Variants in DLG2 observed in about 807,000 individuals in gnomAD.
The protein encoded by DLG2 is disks large homolog 2.
A neutral mutation model predicts 132.5 loss-of-function variants in DLG2; 45 were observed. The observed-to-expected ratio is 0.34, with a 90% CI of 0.27 to 0.44. DLG2 has a LOEUF of 0.44. Ranked by LOEUF, DLG2 falls within the 20% of genes least tolerant of loss-of-function variation. The pLI is 1.00. For synonymous variants in DLG2, 424 were observed against 419.6 expected (o/e 1.01, Z -0.13); for missense variants, 1,045 against 1,196.9 (o/e 0.87, Z 1.87).
At chr11:85,535,315 T>C (rs956520396) in intron 3 of DLG2, among the ~76,000 whole-genome samples, 1 of 152,132 alleles carries the variant, frequency 6.6e-6, no homozygotes, top group Non-Finnish European at 1.5e-5. Flanking sequence ...GCTAGTACCA[T>C]ATAATGTTTA....
At chr11:83,517,993 G>T (rs1345221715) in intron 21 of DLG2, among the ~76,000 whole-genome samples, 1 of 152,214 alleles carries the variant, frequency 6.6e-6, no homozygotes, top group African/African-American at 2.4e-5. Flanking sequence ...GAGGCAGTCT[G>T]TCTGTTCTCA....
intron 6 of DLG2, among the ~76,000 whole-genome samples, chr11:85,075,793 C>A (rs576229137): frequency 2.6e-5 from 4 of 151,926 alleles, no homozygotes; most frequent in African/African-American, 9.6e-5. Context: ...AAACCAAGGT[C>A]TGGAAGAACA....
At chr11:84,457,435 T>C (rs1334440629) in intron 7 of DLG2, among the ~76,000 whole-genome samples, 1 of 151,074 alleles carries the variant, frequency 6.6e-6, no homozygotes, top group East Asian at 1.9e-4. Flanking sequence ...TGAGAATTCA[T>C]AGAGGGAGAA....
chr11:83,734,222 G>A (rs1018626129), intron 18 of DLG2, among the ~76,000 whole-genome samples: 5 of 151,906 alleles, frequency 3.3e-5, no homozygotes, highest in Admixed American at 6.6e-5. Flanking sequence ...TAGAGGTCAC[G>A]GTGAACTCAT....
chr11:84,605,550 C>A (rs1466392940), intron 6 of DLG2, among the ~76,000 whole-genome samples: 2 of 151,074 alleles, frequency 1.3e-5, no homozygotes, highest in African/African-American at 4.9e-5. Context: ...ATATAAGCAT[C>A]CATTTATGAG....
At chr11:83,467,704 C>G (rs57985093) in intron 25 of DLG2, among the ~76,000 whole-genome samples, 227 of 145,802 alleles carry the variant, frequency 1.6e-3, no homozygotes, top group African/African-American at 5.6e-3. Flanking sequence ...GAGCTGAGAC[C>G]GTGCCATGGC....
chr11:83,901,198 G>T (rs556816602), intron 15 of DLG2, among the ~76,000 whole-genome samples: 2 of 152,174 alleles, frequency 1.3e-5, no homozygotes, highest in African/African-American at 4.8e-5. Flanking sequence ...GCTCATAGGC[G>T]GAAGGGACTT....
intron 6 of DLG2, among the ~76,000 whole-genome samples, chr11:84,740,464 G>C (rs935171049): frequency 6.6e-6 from 1 of 152,144 alleles, no homozygotes; most frequent in Non-Finnish European, 1.5e-5. Context: ...CTTCAAATTA[G>C]GAGGACGAGG....
chr11:83,943,797 T>C (rs1476260491), intron 14 of DLG2, among the ~76,000 whole-genome samples: 1 of 152,196 alleles, frequency 6.6e-6, no homozygotes, highest in African/African-American at 2.4e-5. Flanking sequence ...ATGAACATGG[T>C]GGAAAGAGCG....
intron 15 of DLG2, among the ~76,000 whole-genome samples, chr11:83,908,205 A>G (rs1027511292): frequency 1.3e-5 from 2 of 152,194 alleles, no homozygotes; most frequent in African/African-American, 4.8e-5. Flanking sequence ...GCCATCTGGC[A>G]AAGAATAAGC....
intron 6 of DLG2, among the ~76,000 whole-genome samples, chr11:84,559,509 T>C (rs190257394): frequency 6.6e-6 from 1 of 152,168 alleles, no homozygotes; most frequent in East Asian, 1.9e-4. Flanking sequence ...ATAAAATATT[T>C]TTTTCAGCAA....
At chr11:84,404,729 T>C (rs1407329924) in intron 7 of DLG2, among the ~76,000 whole-genome samples, 1 of 152,116 alleles carries the variant, frequency 6.6e-6, no homozygotes, top group Non-Finnish European at 1.5e-5. Flanking sequence ...CTATAATTAA[T>C]ATGTGCAAAG....
chr11:85,608,088 G>A (rs771682330), intron 2 of DLG2, among the ~76,000 whole-genome samples: 2 of 152,178 alleles, frequency 1.3e-5, no homozygotes, highest in African/African-American at 4.8e-5. Context: ...TGTGGTCTAG[G>A]AGGAAAACTA....
chr11:84,827,362 A>T (rs2078456371), intron 6 of DLG2, among the ~76,000 whole-genome samples: 1 of 146,954 alleles, frequency 6.8e-6, no homozygotes, highest in East Asian at 2.0e-4. Flanking sequence ...TAGAAAAACT[A>T]AAAAAAAAAA....
intron 3 of DLG2, among the ~76,000 whole-genome samples, chr11:85,383,076 C>A (rs1408702788): frequency 6.6e-6 from 1 of 152,104 alleles, no homozygotes; most frequent in Non-Finnish European, 1.5e-5. Context: ...TAGAAACAAA[C>A]CAAACTTTCA....
At chr11:84,531,432 T>C (rs955181230) in intron 7 of DLG2, among the ~76,000 whole-genome samples, 4 of 152,068 alleles carry the variant, frequency 2.6e-5, no homozygotes, top group African/African-American at 9.7e-5. Context: ...TGATATGCAG[T>C]TTACCTATAT....
chr11:84,844,131 G>GTA (rs1566125410), intron 6 of DLG2, among the ~76,000 whole-genome samples: 22 of 26,392 alleles, frequency 8.3e-4, no homozygotes, highest in South Asian at 2.5e-3. Flanking sequence ...GTGTGTGTGT[G>GTA]TGTGTATATA....
intron 6 of DLG2, among the ~76,000 whole-genome samples, chr11:84,695,395 T>C (rs766572963): frequency 9.9e-5 from 15 of 151,626 alleles, no homozygotes; most frequent in Non-Finnish European, 1.9e-4. Context: ...TGAATCATAA[T>C]AATCCTAAAC....
intron 6 of DLG2, among the ~76,000 whole-genome samples, chr11:84,666,718 A>G (rs193223004): frequency 5.2e-4 from 79 of 152,148 alleles, no homozygotes; most frequent in Middle Eastern, 6.8e-3. Context: ...TTACAAATAT[A>G]TATTTATATT....
Sources: gnomAD v4.1 joint callset for allele counts (sites outside exome capture counted in the v4.1 genomes callset) on GRCh38, gnomAD v4.1.1 for gene constraint, MANE v1.5 for transcripts, NCBI Gene and HGNC (gene_info 2026-07-23, HGNC 2026-07-21) for gene names.